ARFGEF1: variants seen among roughly 807,000 people sequenced by gnomAD.
ARFGEF1 encodes brefeldin A-inhibited guanine nucleotide-exchange protein 1.
ARFGEF1 carries 42 observed loss-of-function variants against 231.0 expected under a neutral mutation model. The ratio of observed to expected loss-of-function variants is 0.18; its 90% CI spans 0.14 to 0.24. The LOEUF (loss-of-function observed/expected upper bound fraction) is 0.24. Among genes scored for constraint, ARFGEF1 ranks in the 10% least tolerant of loss-of-function variants. ARFGEF1 has a pLI of 1.00. For synonymous variants in ARFGEF1, 710 were observed against 732.3 expected (o/e 0.97, Z 0.49); for missense variants, 1,345 against 2,192.0 (o/e 0.61, Z 7.72).
chr8:67,195,468 C>T (rs1437869826), downstream of ARFGEF1: 1 of 1,614,186 alleles, frequency 6.2e-7, no homozygotes, highest in Admixed American at 1.7e-5. Flanking sequence ...TGAGCCCTGG[C>T]TCCGCCCTGG....
At chr8:67,238,990 T>C in intron 20 of ARFGEF1, 97 bp from the exon 21 acceptor site, 1 of 969,218 alleles carries the variant, frequency 1.0e-6, no homozygotes, top group East Asian at 2.8e-5. Context: ...AGTAAGATTT[T>C]GTTTTTTTTT....
chr8:67,302,503 T>C (rs1806538186), intron 1 of ARFGEF1, 37 bp from the exon 2 acceptor site: 4 of 1,495,318 alleles, frequency 2.7e-6, no homozygotes, highest in Non-Finnish European at 2.7e-6. Flanking sequence ...ATTAGAAAAC[T>C]GGACAGCAGA....
chr8:67,323,419 C>T (rs137950758), intron 1 of ARFGEF1, among the ~76,000 whole-genome samples: 4 of 152,182 alleles, frequency 2.6e-5, no homozygotes, highest in African/African-American at 9.7e-5. Flanking sequence ...TCAGATCTCT[C>T]CCCTAGGCTT....
chr8:67,174,330 A>G (rs905194889), downstream of ARFGEF1: 2 of 152,142 alleles, frequency 1.3e-5, no homozygotes, highest in South Asian at 2.1e-4. Context: ...AGCTTTATAC[A>G]TATTTAGGAC....
rs1587068403 is a variant in ARFGEF1 at position 67,219,567 on chromosome 8, T to C, written c.4209-7A>G. ...AAACATTACTGTTAAACCCCTAAAA[T>C]GACAAAACACAATTAGAAAGCTGTA... On this transcript the variant is annotated splice_polypyrimidine_tract_variant and splice_region_variant and intron_variant, in intron 29 of 38. Coordinates refer to ENST00000262215, the MANE Select transcript of ARFGEF1 (RefSeq NM_006421.5). 6.3e-7 allele frequency: 1 copy of C among 1,581,934 alleles called. No individual in the cohort carries two copies. Among genetic ancestry groups the C allele is most frequent in the East Asian group, 2.3e-5 (1 of 44,062 alleles).
At chr8:67,192,951 T>C (rs1836799628), downstream of ARFGEF1, among the ~76,000 whole-genome samples, 2 of 152,244 alleles carry the variant, frequency 1.3e-5, no homozygotes, top group Non-Finnish European at 2.9e-5. Context: ...TCAAGCTTTA[T>C]CCTGACTGGC....
intron 9 of ARFGEF1, among the ~76,000 whole-genome samples, chr8:67,272,544 A>G (rs1263674353): frequency 6.6e-6 from 1 of 152,218 alleles, no homozygotes; most frequent in African/African-American, 2.4e-5. Flanking sequence ...AGAAAAAAAT[A>G]GTGTGAAGAT....
At chr8:67,179,773 G>A (rs184241190) in intron 5 of ARFGEF1, 1,474 of 815,208 alleles carry the variant, frequency 1.8e-3, no homozygotes, top group Non-Finnish European at 2.5e-3. Context: ...AGGGAGAACA[G>A]TGTGGAAACT....
intron 5 of ARFGEF1, among the ~76,000 whole-genome samples, chr8:67,188,992 C>T (rs529557234): frequency 1.1e-4 from 16 of 152,320 alleles, no homozygotes; most frequent in African/African-American, 2.2e-4. Flanking sequence ...ATCTTGGAAG[C>T]GGCCCTCCAC....
intron 6 of ARFGEF1, among the ~76,000 whole-genome samples, chr8:67,288,305 T>TA (rs1805846297): frequency 6.6e-6 from 1 of 152,250 alleles, no homozygotes; most frequent in Non-Finnish European, 1.5e-5. Context: ...TTATTACACT[T>TA]AACTGAATTT....
chr8:67,207,956 A>T (rs1433769628), intron 34 of ARFGEF1, among the ~76,000 whole-genome samples: 1 of 152,222 alleles, frequency 6.6e-6, no homozygotes, highest in East Asian at 1.9e-4. Context: ...CCCAGGAAAA[A>T]GTAGCCAAGT....
intron 5 of ARFGEF1, among the ~76,000 whole-genome samples, chr8:67,176,335 C>A (rs936076757): frequency 6.6e-6 from 1 of 152,112 alleles, no homozygotes; most frequent in African/African-American, 2.4e-5. Context: ...GTCTGGCTTG[C>A]AGAATCTGAG....
At chr8:67,240,086 AT>A in intron 20 of ARFGEF1, 75 bp downstream of exon 20, 1 of 1,537,574 alleles carries the variant, frequency 6.5e-7, no homozygotes, top group Non-Finnish European at 8.8e-7. Flanking sequence ...ATAAACAATT[AT>A]TGTAATTTAA....
Position 67,199,846 on chromosome 8 carries a change from A to T in ARFGEF1, c.5385+550T>A, listed in dbSNP as rs192377468. ...ATTTTTTTTTCTAAGAATAGAGTGT[A>T]CATTTTTGAAAACCTTAAATATGCA... is the stretch of plus-strand genomic sequence containing the variant. On this transcript the variant is annotated intron_variant, in intron 38 of 38. Coordinates refer to ENST00000262215, the MANE Select transcript of ARFGEF1 (RefSeq NM_006421.5). 6.2e-3 allele frequency: 1,089 copies of T among 175,152 alleles called. 8 individuals are homozygous for T. Among genetic ancestry groups the T allele is most frequent in the Non-Finnish European group, 0.01 (830 of 79,990 alleles). The allele number at this position is 175,152 out of a possible 1,614,324, so 10.8% of individuals were successfully genotyped here. A position where few individuals can be genotyped will look rare whatever the true frequency, so the allele number is the denominator to read the frequency against.
At chr8:67,275,894 A>C in intron 9 of ARFGEF1, 82 bp downstream of exon 9, 1 of 1,547,688 alleles carries the variant, frequency 6.5e-7, no homozygotes, top group South Asian at 1.2e-5. Context: ...AAAAAGAACA[A>C]AAGAAAATCC....
chr8:67,228,072 G>C lies in ARFGEF1; in HGVS notation c.3482C>G (p.Pro1161Arg), dbSNP rs1386468724. ...SMDELLSTTH[P>R]RMFSLQKIVE... Reference sequence around the variant, plus strand: ...TATTTTTTGTAGACTAAACATTCTTGGGTGTGTCGTGGAAAGTAATTCATC... The same window carrying C: ...TATTTTTTGTAGACTAAACATTCTTCGGTGTGTCGTGGAAAGTAATTCATC... The change falls in exon 25 of 39, where the codon CCA becomes CGA. Residue 1161 changes from proline (P) to arginine (R), a missense_variant. This residue lies in a region of ARFGEF1 where 146 missense variants were observed against 321.4 expected (regional missense o/e 0.45). Coordinates refer to ENST00000262215, the MANE Select transcript of ARFGEF1 (RefSeq NM_006421.5). 1 of 1,609,820 alleles carries C rather than the reference G, an allele frequency of 6.2e-7. No individual in the cohort carries two copies. Among genetic ancestry groups the C allele is most frequent in the South Asian group, 1.1e-5 (1 of 90,156 alleles).
chr8:67,218,230 AT>A (rs1587065223), intron 30 of ARFGEF1, 92 bp from the exon 31 acceptor site: 1 of 243,116 alleles, frequency 4.1e-6, no homozygotes, highest in Non-Finnish European at 6.9e-6. Flanking sequence ...ATATATATAT[AT>A]ATAAATGTTT....
intron 14 of ARFGEF1, among the ~76,000 whole-genome samples, chr8:67,262,042 A>C (rs1804646037): frequency 6.6e-6 from 1 of 152,212 alleles, no homozygotes; most frequent in South Asian, 2.1e-4. Flanking sequence ...ATACTACTTA[A>C]AAGCTGCCAT....
At chr8:67,299,182 A>C in intron 4 of ARFGEF1, 27 bp downstream of exon 4, 1 of 1,498,360 alleles carries the variant, frequency 6.7e-7, no homozygotes, top group Non-Finnish European at 8.9e-7. Flanking sequence ...GATTATTAAT[A>C]ACAATTTTAC....
Sources: gnomAD v4.1 joint callset for allele counts (sites outside exome capture counted in the v4.1 genomes callset) on GRCh38, gnomAD v4.1.1 for gene constraint, gnomAD v4.1.1 regional missense constraint, MANE v1.5 for transcripts, NCBI Gene and HGNC (gene_info 2026-07-23, HGNC 2026-07-21) for gene names.